MARCHF1: variants seen among roughly 807,000 people sequenced by gnomAD.
MARCHF1 encodes the protein membrane associated ring-CH-type finger 1.
MARCHF1 carries 40 observed loss-of-function variants against 54.2 expected under a neutral mutation model. That is an observed-to-expected ratio of 0.74 (90% confidence interval 0.57 to 0.96). The LOEUF (loss-of-function observed/expected upper bound fraction) is 0.96. Among genes scored for constraint, MARCHF1 ranks in the 40% least tolerant of loss-of-function variants. The pLI, the probability that MARCHF1 is intolerant of heterozygous loss-of-function variation, is 0.00. For synonymous variants in MARCHF1, 236 were observed against 236.3 expected, an observed-to-expected ratio of 1.00 and a Z score of 0.01; for missense variants, 586 against 656.5, an observed-to-expected ratio of 0.89 and a Z score of 1.17.
At chr4:163,901,870 T>G (rs1039064846) in intron 3 of MARCHF1, among the ~76,000 whole-genome samples, 3 of 152,208 alleles carry the variant, frequency 2.0e-5, no homozygotes, top group African/African-American at 7.2e-5. Flanking sequence ...AGTGTTTGGC[T>G]TCCTTTGTCT....
intron 9 of MARCHF1, among the ~76,000 whole-genome samples, chr4:163,544,995 TTTTG>T (rs1222240652): frequency 1.3e-5 from 2 of 152,192 alleles, no homozygotes; most frequent in African/African-American, 4.8e-5. Context: ...TGCTTTCTCT[TTTTG>T]TTTCTGTTTT....
chr4:163,769,620 A>G (rs913211091), intron 4 of MARCHF1, among the ~76,000 whole-genome samples: 1 of 152,220 alleles, frequency 6.6e-6, no homozygotes, highest in Admixed American at 6.5e-5. Flanking sequence ...CCTGACGACT[A>G]TGAAAGTGAA....
chr4:164,369,308 G>A (rs566707225), intron 1 of MARCHF1, among the ~76,000 whole-genome samples: 2 of 152,264 alleles, frequency 1.3e-5, no homozygotes, highest in East Asian at 1.9e-4. Flanking sequence ...TCACTACCGT[G>A]CTATGGACTG....
chr4:163,748,958 T>C (rs1746438467), intron 4 of MARCHF1, among the ~76,000 whole-genome samples: 1 of 152,256 alleles, frequency 6.6e-6, no homozygotes, highest in Admixed American at 6.5e-5. Context: ...AAGCCATTCA[T>C]GTGAACGTGT....
intron 4 of MARCHF1, among the ~76,000 whole-genome samples, chr4:163,817,916 A>T (rs2111041088): frequency 7.4e-6 from 1 of 136,024 alleles, no homozygotes; most frequent in African/African-American, 2.8e-5. Flanking sequence ...AACAATGAGA[A>T]CACATGGACA....
At chr4:163,895,080 A>C (rs961233310) in intron 3 of MARCHF1, among the ~76,000 whole-genome samples, 1 of 152,080 alleles carries the variant, frequency 6.6e-6, no homozygotes, top group African/African-American at 2.4e-5. Flanking sequence ...CATGTGATGC[A>C]TATATATGTG....
chr4:164,318,366 G>C (rs962158127), intron 1 of MARCHF1, among the ~76,000 whole-genome samples: 2 of 152,122 alleles, frequency 1.3e-5, no homozygotes, highest in Admixed American at 1.3e-4. Flanking sequence ...TGTTATACTA[G>C]ATTTGGAATC....
intron 5 of MARCHF1, among the ~76,000 whole-genome samples, chr4:163,622,978 A>G (rs1741740028): frequency 6.6e-6 from 1 of 152,176 alleles, no homozygotes; most frequent in South Asian, 2.1e-4. Flanking sequence ...GCAGAGGACA[A>G]GCTCAGCCAG....
intron 1 of MARCHF1, among the ~76,000 whole-genome samples, chr4:164,240,312 T>C (rs1255703244): frequency 1.3e-5 from 2 of 152,196 alleles, no homozygotes; most frequent in East Asian, 3.9e-4. Flanking sequence ...GGGAGTAGCT[T>C]GACTATGTTT....
intron 1 of MARCHF1, among the ~76,000 whole-genome samples, chr4:164,305,499 C>T (rs138687550): frequency 6.6e-6 from 1 of 152,116 alleles, no homozygotes; most frequent in Admixed American, 6.5e-5. Context: ...AACAGCATGA[C>T]CAAATAAGGA....
In MARCHF1 at chr4:164,121,195, C is replaced by G. The variant is rs752816244; in HGVS notation, c.-322-9533G>C. Reference sequence around the variant, plus strand: ...GTTTGTGGCTACTATGAGCAATTATCTGCCAAAAATTGGAAAATCTAGAAG... The same window carrying G: ...GTTTGTGGCTACTATGAGCAATTATGTGCCAAAAATTGGAAAATCTAGAAG... On this transcript the variant is annotated intron_variant, in intron 1 of 9. Transcript: ENST00000514618. Among the ~76,000 whole-genome samples, 265 of 152,198 alleles carry G rather than the reference C, an allele frequency of 1.7e-3. 1 individual carries two copies. Among genetic ancestry groups the G allele is most frequent in the Non-Finnish European group, 2.9e-3 (200 of 67,998 alleles).
At chr4:163,817,322 T>C (rs1225608046) in intron 4 of MARCHF1, among the ~76,000 whole-genome samples, 1 of 148,872 alleles carries the variant, frequency 6.7e-6, no homozygotes, top group South Asian at 2.1e-4. Flanking sequence ...TATGTACATA[T>C]ACACATATAC....
At chr4:164,160,395 T>A (rs1730199869) in intron 1 of MARCHF1, among the ~76,000 whole-genome samples, 1 of 152,138 alleles carries the variant, frequency 6.6e-6, no homozygotes, top group African/African-American at 2.4e-5. Flanking sequence ...TTTAAGCATA[T>A]CTAAACATAG....
intron 8 of MARCHF1, among the ~76,000 whole-genome samples, chr4:163,567,944 C>T (rs1421867639): frequency 6.6e-6 from 1 of 152,106 alleles, no homozygotes; most frequent in East Asian, 1.9e-4. Context: ...ACCCTTCTTT[C>T]CCATTATCTC....
chr4:163,763,377 G>A (rs947682191), intron 4 of MARCHF1, among the ~76,000 whole-genome samples: 2 of 151,988 alleles, frequency 1.3e-5, no homozygotes, highest in Admixed American at 1.3e-4. Flanking sequence ...ATTTAATGTT[G>A]ATTAATTTTA....
At chr4:164,193,608 G>A (rs767794508) in intron 1 of MARCHF1, among the ~76,000 whole-genome samples, 4 of 152,088 alleles carry the variant, frequency 2.6e-5, no homozygotes, top group Non-Finnish European at 4.4e-5. Context: ...GCTGCTGGCC[G>A]CCTGGGCATT....
At chr4:163,529,102 C>A in intron 9 of MARCHF1, 56 bp from the exon 10 acceptor site, 2 of 1,368,508 alleles carry the variant, frequency 1.5e-6, no homozygotes, top group South Asian at 1.4e-5. Context: ...TGGATTTGGT[C>A]ATTTTTTTTT....
At chr4:164,294,498 A>ACC (rs1734363451) in intron 1 of MARCHF1, among the ~76,000 whole-genome samples, 3 of 152,190 alleles carry the variant, frequency 2.0e-5, no homozygotes, top group Non-Finnish European at 4.4e-5. Context: ...ACTCTGGAAT[A>ACC]TACTTTTTCA....
intron 3 of MARCHF1, among the ~76,000 whole-genome samples, chr4:163,897,507 G>T (rs1196170579): frequency 6.6e-6 from 1 of 151,934 alleles, no homozygotes; most frequent in Non-Finnish European, 1.5e-5. Context: ...GCATGGTACA[G>T]GTACAAAAAT....
Sources: gnomAD v4.1 joint callset for allele counts (sites outside exome capture counted in the v4.1 genomes callset) on GRCh38, gnomAD v4.1.1 for gene constraint, MANE v1.5 for transcripts, NCBI Gene and HGNC (gene_info 2026-07-23, HGNC 2026-07-21) for gene names.